SRPRA: variants seen among roughly 807,000 people sequenced by gnomAD.
SRPRA encodes the protein signal recognition particle receptor subunit alpha.
In SRPRA, 30 loss-of-function variants were observed where a neutral mutation model predicts 61.1. The ratio of observed to expected loss-of-function variants is 0.49; its 90% CI spans 0.37 to 0.67. The LOEUF is 0.67. SRPRA is among the 30% of genes least tolerant of loss of function. The pLI is 0.00. For synonymous variants in SRPRA, 324 were observed against 299.7 expected (o/e 1.08, Z -0.84); for missense variants, 759 against 828.4 (o/e 0.92, Z 1.03).
In SRPRA at chr11:126,265,805, T is replaced by C; in HGVS notation, c.1070A>G (p.Asp357Gly). The C allele has an allele frequency of 6.2e-7, 1 of 1,614,246 alleles. No individual in the cohort carries two copies. The highest frequency in any genetic ancestry group is 8.5e-7 in the Non-Finnish European group (1 of 1,180,038). ...DHLIAKNVAA[D>G]IAVQLCESVA... ...AGATTCACAGAGCTGGACGGCAATG[T>C]CTGCAGCCACGTTCTTAGCTGAGGA... Residue 357 changes from aspartate to glycine, a missense_variant, in exon 9 of 14, where the codon GAC becomes GGC. By Grantham distance (94) the Asp-to-Gly change is moderately conservative. Coordinates refer to ENST00000332118, the MANE Select transcript of SRPRA (RefSeq NM_003139.4). The surrounding 1 kb of genome is among the most constrained non-coding windows in gnomAD (Gnocchi z 6.3).
the SRPRA span, chr11:126,250,720 C>T: frequency 1.9e-6 from 3 of 1,612,112 alleles, no homozygotes; most frequent in Admixed American, 3.3e-5. This position sits in a 1 kb window ranked among gnomAD's most constrained non-coding sequence, Gnocchi z 5.1. Flanking sequence ...CTTGACCTTA[C>T]TGATGAGAAA....
At chr11:126,239,698 G>T in the SRPRA span, among the ~76,000 whole-genome samples, 62 of 152,240 alleles carry the variant, frequency 4.1e-4, no homozygotes, top group African/African-American at 1.4e-3. Context: ...ATTTTTAGTA[G>T]ACACAGAGTT....
At chr11:126,251,080 T>TA in the SRPRA span, among the ~76,000 whole-genome samples, 1 of 152,228 alleles carries the variant, frequency 6.6e-6, no homozygotes, top group Admixed American at 6.5e-5. Context: ...TACCTTTTTT[T>TA]ATGGCATCTA....
intron 7 of SRPRA, 42 bp downstream of exon 7, chr11:126,266,145 T>G: frequency 6.2e-7 from 1 of 1,613,190 alleles, no homozygotes; most frequent in Non-Finnish European, 8.5e-7. Flanking sequence ...TCTTACCAGT[T>G]TTGCAGATGC....
At chr11:126,257,594 T>C in the SRPRA span, among the ~76,000 whole-genome samples, 3 of 142,216 alleles carry the variant, frequency 2.1e-5, no homozygotes, top group Admixed American at 7.9e-5. Flanking sequence ...TATATTCATA[T>C]AGAATTGTAC....
At chr11:126,241,466 A>G in the SRPRA span, among the ~76,000 whole-genome samples, 1 of 152,216 alleles carries the variant, frequency 6.6e-6, no homozygotes, top group Non-Finnish European at 1.5e-5. Flanking sequence ...ATAAGTCAAA[A>G]TATTTAGAAG....
At chr11:126,246,164 C>T in the SRPRA span, among the ~76,000 whole-genome samples, 2 of 151,904 alleles carry the variant, frequency 1.3e-5, no homozygotes, top group Non-Finnish European at 2.9e-5. Context: ...AATATTAAGA[C>T]ATTAATATTT....
chr11:126,236,317 C>T, the SRPRA span, among the ~76,000 whole-genome samples: 1 of 152,222 alleles, frequency 6.6e-6, no homozygotes, highest in Non-Finnish European at 1.5e-5. Context: ...TTATCATACA[C>T]TTACATTCAT....
In SRPRA at chr11:126,263,744, C is replaced by T; in HGVS notation, c.*172G>A. The T allele has an allele frequency of 1.1e-6, 1 of 921,286 alleles. No individual in the cohort carries two copies. The highest frequency in any genetic ancestry group is 1.6e-6 in the Non-Finnish European group (1 of 612,736). The allele number at this position is 921,286 out of a possible 1,614,324, so 57.1% of individuals were successfully genotyped here. On this transcript the variant is annotated 3_prime_UTR_variant, in exon 14 of 14. Coordinates refer to ENST00000332118, the MANE Select transcript of SRPRA (RefSeq NM_003139.4). ...TTGTAACATGATTAGGCCTTCCTTG[C>T]AGATGGCGGCTGTGCTGAACGGGGA... is the stretch of plus-strand genomic sequence containing the variant.
At chr11:126,259,167 C>T (rs1950629891), downstream of SRPRA, among the ~76,000 whole-genome samples, 1 of 152,182 alleles carries the variant, frequency 6.6e-6, no homozygotes, top group Non-Finnish European at 1.5e-5. Context: ...TTATCTTTCA[C>T]CCTTGCATAA....
the SRPRA span, among the ~76,000 whole-genome samples, chr11:126,253,373 T>C: frequency 6.6e-6 from 1 of 152,146 alleles, no homozygotes; most frequent in Admixed American, 6.5e-5. The surrounding 1 kb of genome is among the most constrained non-coding windows in gnomAD (Gnocchi z 5.1). Flanking sequence ...CTCCAAAATG[T>C]GATAAGAATA....
downstream of SRPRA, chr11:126,261,295 A>G: frequency 1.5e-6 from 1 of 684,856 alleles, no homozygotes; most frequent in Non-Finnish European, 2.5e-6. Flanking sequence ...CTTCTCAATG[A>G]TTGTTTCATT....
chr11:126,268,787 G>A lies in SRPRA; in HGVS notation c.18C>T (p.Thr6=). The change falls in exon 1 of 14, where the codon ACC becomes ACT. Residue 6 remains threonine (T), a synonymous_variant. Coordinates refer to ENST00000332118, the MANE Select transcript of SRPRA (RefSeq NM_003139.4). MLDFF[T]IFSKGGLVLW... ...GCACAAGCCCGCCCTTGGAGAAAAT[G>A]GTGAAGAAGTCGAGCATGGCGGCAG... The A allele has an allele frequency of 1.9e-6, 3 of 1,613,718 alleles. No homozygotes were observed. The highest frequency in any genetic ancestry group is 1.3e-5 in the African/African-American group (1 of 75,070).
Position 126,266,205 on chromosome 11 carries a change from T to C in SRPRA, c.914A>G (p.Gln305Arg). 1.2e-6 allele frequency: 2 copies of C among 1,614,154 alleles called. No individual in the cohort carries two copies. Among genetic ancestry groups the C allele is most frequent in the Middle Eastern group, 1.6e-4 (1 of 6,062 alleles). ...CCCCTACCTAGGTTTGGTAGAGTTTTGAGCAGCCCCTTCGTCATCAGAGCT... is the reference window on the plus strand; with the variant it reads ...CCCCTACCTAGGTTTGGTAGAGTTTCGAGCAGCCCCTTCGTCATCAGAGCT... ...CSSSDDEGAA[Q>R]NSTKPSATKG... Residue 305 changes from glutamine to arginine, a missense_variant, in exon 7 of 14, where the codon CAA becomes CGA. Physicochemically the swap from Gln to Arg is conservative, Grantham distance 43 (BLOSUM62 1). Coordinates refer to ENST00000332118, the MANE Select transcript of SRPRA (RefSeq NM_003139.4).
Position 126,264,648 on chromosome 11 carries a change from C to G in SRPRA, c.1526-109G>C. On this transcript the variant is annotated intron_variant, in intron 11 of 13. Transcript: ENST00000332118. The surrounding 1 kb of genome is among the most constrained non-coding windows in gnomAD (Gnocchi z 5.0). ...GACTACCTGTTCACTGTCTTGGGCT[C>G]TGGATTTGGTTCCAAGGTAATGTGA... The G allele has an allele frequency of 6.0e-6, 8 of 1,344,418 alleles. No individual in the cohort carries two copies. Among genetic ancestry groups the G allele is most frequent in the Non-Finnish European group, 8.1e-6 (8 of 993,642 alleles). The allele number at this position is 1,344,418 out of a possible 1,614,324, so 83.3% of individuals were successfully genotyped here.
In SRPRA at chr11:126,264,445, A is replaced by C. The variant is rs562332475; in HGVS notation, c.1620T>G (p.Thr540=). 1 of 1,614,238 alleles carries C rather than the reference A, an allele frequency of 6.2e-7. No homozygotes were observed. Among genetic ancestry groups the C allele is most frequent in the South Asian group, 1.1e-5 (1 of 91,086 alleles). ...PLMTALAKLI[T]VNTPDLVLFV... ...ACAGCACCAAATCAGGTGTATTGAC[A>C]GTAATGAGTTTGGCCAGGGCAGTCA... is the stretch of plus-strand genomic sequence containing the variant. Residue 540 remains threonine (T), a synonymous_variant, in exon 12 of 14, where the codon ACT becomes ACG. Coordinates refer to ENST00000332118, the MANE Select transcript of SRPRA (RefSeq NM_003139.4). The surrounding 1 kb of genome is among the most constrained non-coding windows in gnomAD (Gnocchi z 5.0).
Position 126,267,168 on chromosome 11 carries a change from A to G in SRPRA, c.526+7T>C, listed in dbSNP as rs775402912. 78 of 1,613,862 alleles carry G rather than the reference A, an allele frequency of 4.8e-5. No individual in the cohort carries two copies. The Middle Eastern group carries it at 6.6e-4, about 14-fold the overall frequency. The stretch of plus-strand genomic sequence containing the variant: ...TGTCCCAGTATATCCAAAGAACTCA[A>G]ACTTGCCTTCCTTCTTGGCCCCCTT... On this transcript the variant is annotated splice_region_variant and intron_variant, in intron 4 of 13. Transcript: ENST00000332118. This position sits in a 1 kb window ranked among gnomAD's most constrained non-coding sequence, Gnocchi z 4.2.
At chr11:126,254,663 G>A in the SRPRA span, among the ~76,000 whole-genome samples, 6 of 152,250 alleles carry the variant, frequency 3.9e-5, no homozygotes, top group Admixed American at 3.9e-4. Flanking sequence ...CGAGACTCTT[G>A]TCTTTACAAA....
At chr11:126,261,478 A>G (rs114192726), downstream of SRPRA, 153 of 1,612,192 alleles carry the variant, frequency 9.5e-5, 1 homozygote, top group African/African-American at 1.8e-3. Context: ...ACACAGTGAA[A>G]TAAGAGGTAT....
Sources: allele counts gnomAD v4.1 joint callset (sites outside exome capture counted in the v4.1 genomes callset), GRCh38; gene constraint gnomAD v4.1.1; non-coding constraint Gnocchi (gnomAD v3.1); transcripts MANE v1.5; gene names NCBI Gene and HGNC (gene_info 2026-07-23, HGNC 2026-07-21).